COX7B2: variants seen among roughly 807,000 people sequenced by gnomAD.
The protein encoded by COX7B2 is cytochrome c oxidase subunit 7B2, mitochondrial.
For missense variants in COX7B2, 109 were observed against 95.9 expected (o/e 1.14, Z -0.57); for synonymous variants, 37 against 32.1 (o/e 1.15, Z -0.51).
At chr4:46,749,930 G>C (rs186432881) in intron 2 of COX7B2, among the ~76,000 whole-genome samples, 7 of 152,056 alleles carry the variant, frequency 4.6e-5, no homozygotes, top group Admixed American at 3.3e-4. Flanking sequence ...CTACCAAACC[G>C]GATGCTCCTA....
At chr4:46,868,115 T>C (rs1017430805) in intron 1 of COX7B2, among the ~76,000 whole-genome samples, 1 of 152,166 alleles carries the variant, frequency 6.6e-6, no homozygotes, top group South Asian at 2.1e-4. Flanking sequence ...GGAGGGTGTA[T>C]ATATCCTATA....
intron 2 of COX7B2, among the ~76,000 whole-genome samples, chr4:46,750,906 C>A (rs539779605): frequency 9.2e-5 from 14 of 152,276 alleles, no homozygotes; most frequent in African/African-American, 3.4e-4. Context: ...CTCATTTAAT[C>A]TTTATCACCT....
At chr4:46,808,318 G>A (rs1020205655) in intron 2 of COX7B2, among the ~76,000 whole-genome samples, 1 of 151,346 alleles carries the variant, frequency 6.6e-6, no homozygotes, top group Admixed American at 6.6e-5. Flanking sequence ...GTCTTTTTTA[G>A]TTAGGCTGGG....
chr4:46,833,401 A>G (rs1291833746), intron 2 of COX7B2, among the ~76,000 whole-genome samples: 6 of 152,220 alleles, frequency 3.9e-5, no homozygotes, highest in Non-Finnish European at 2.9e-5. Flanking sequence ...AGAAATAGAG[A>G]TATAAATTTG....
intron 2 of COX7B2, among the ~76,000 whole-genome samples, chr4:46,819,710 C>G (rs1714140521): frequency 6.6e-6 from 1 of 152,132 alleles, no homozygotes; most frequent in Admixed American, 6.6e-5. Flanking sequence ...TAAAGTAAAA[C>G]AGTATATAAT....
chr4:46,797,865 T>C (rs1718446662), intron 2 of COX7B2, among the ~76,000 whole-genome samples: 1 of 152,208 alleles, frequency 6.6e-6, no homozygotes, highest in Non-Finnish European at 1.5e-5. Flanking sequence ...GTTGATCTGA[T>C]AAATGCATTT....
chr4:46,736,652 C>G (rs1027355460), intron 2 of COX7B2, among the ~76,000 whole-genome samples: 1 of 152,124 alleles, frequency 6.6e-6, no homozygotes, highest in African/African-American at 2.4e-5. Context: ...AACCACTGAT[C>G]TTTTTACTGT....
intron 1 of COX7B2, among the ~76,000 whole-genome samples, chr4:46,888,546 C>T (rs1050184523): frequency 5.3e-5 from 8 of 151,906 alleles, no homozygotes; most frequent in Non-Finnish European, 1.2e-4. Context: ...CAGGTTCACG[C>T]CATTCTCCTG....
intron 2 of COX7B2, among the ~76,000 whole-genome samples, chr4:46,815,522 C>T (rs955483874): frequency 6.6e-6 from 1 of 152,016 alleles, no homozygotes; most frequent in Non-Finnish European, 1.5e-5. Flanking sequence ...CAACAAAATT[C>T]CAGACTTTAA....
At chr4:46,762,416 AAT>A (rs1240780102) in intron 2 of COX7B2, among the ~76,000 whole-genome samples, 93 of 138,048 alleles carry the variant, frequency 6.7e-4, no homozygotes, top group African/African-American at 2.1e-3. Context: ...AATATTATAT[AAT>A]ATATATATTT....
chr4:46,743,959 G>C (rs1577649858), intron 2 of COX7B2, among the ~76,000 whole-genome samples: 1 of 152,132 alleles, frequency 6.6e-6, no homozygotes, highest in East Asian at 1.9e-4. Flanking sequence ...AAGGAGTACA[G>C]GGTGTGTGGT....
intron 2 of COX7B2, among the ~76,000 whole-genome samples, chr4:46,806,107 C>T (rs922125050): frequency 2.0e-5 from 3 of 152,070 alleles, no homozygotes; most frequent in East Asian, 1.9e-4. Context: ...GCATATTCAT[C>T]TTCTCTTTGC....
intron 1 of COX7B2, among the ~76,000 whole-genome samples, chr4:46,898,527 T>C (rs906179729): frequency 1.3e-5 from 2 of 151,864 alleles, no homozygotes; most frequent in Non-Finnish European, 2.9e-5. Context: ...AAGCAATCCT[T>C]CCCCCTCAGC....
intron 1 of COX7B2, among the ~76,000 whole-genome samples, chr4:46,865,010 G>A (rs1055810646): frequency 6.6e-6 from 1 of 152,040 alleles, no homozygotes; most frequent in African/African-American, 2.4e-5. Flanking sequence ...TTGTTACATG[G>A]ATGAATTAAA....
intron 2 of COX7B2, among the ~76,000 whole-genome samples, chr4:46,767,519 T>C (rs563183933): frequency 6.6e-6 from 1 of 152,254 alleles, no homozygotes; most frequent in African/African-American, 2.4e-5. Flanking sequence ...AACAGACATA[T>C]ACAGAACATT....
intron 2 of COX7B2, among the ~76,000 whole-genome samples, chr4:46,816,573 C>CCCTGCAGTT (rs1346515978): frequency 6.6e-6 from 1 of 151,812 alleles, no homozygotes; most frequent in African/African-American, 2.4e-5. Flanking sequence ...ACTTGTTATC[C>CCCTGCAGTT]CCTGCAGTTA....
chr4:46,758,578 A>AAGAAAGCT (rs1246910025), intron 2 of COX7B2, among the ~76,000 whole-genome samples: 2 of 152,192 alleles, frequency 1.3e-5, no homozygotes, highest in Admixed American at 6.6e-5. Context: ...AATAACTTAT[A>AAGAAAGCT]AGAAAGCTGT....
chr4:46,812,218 T>C (rs1719318921), intron 2 of COX7B2, among the ~76,000 whole-genome samples: 2 of 152,078 alleles, frequency 1.3e-5, no homozygotes, highest in African/African-American at 2.4e-5. Flanking sequence ...CTTGAGGCCA[T>C]AGGCTCACTC....
intron 1 of COX7B2, among the ~76,000 whole-genome samples, chr4:46,847,444 T>C (rs1577651315): frequency 6.6e-6 from 1 of 151,976 alleles, no homozygotes; most frequent in Non-Finnish European, 1.5e-5. Context: ...CTTGAGTAAA[T>C]TTAGAAAGAA....
Sources: allele counts gnomAD v4.1 joint callset (sites outside exome capture counted in the v4.1 genomes callset), GRCh38; gene constraint gnomAD v4.1.1; transcripts MANE v1.5; gene names NCBI Gene and HGNC (gene_info 2026-07-23, HGNC 2026-07-21).